The following AMPH variants were observed in gnomAD, a reference collection of about 807,000 sequenced individuals.
AMPH encodes amphiphysin.
In AMPH, 49 loss-of-function variants were observed where a neutral mutation model predicts 99.1. The ratio of observed to expected loss-of-function variants is 0.49; its 90% CI spans 0.39 to 0.63. The LOEUF is 0.63. AMPH is among the 20% of genes least tolerant of loss of function. The pLI is 0.00. For synonymous variants in AMPH, 314 were observed against 317.3 expected (o/e 0.99, Z 0.11); for missense variants, 759 against 863.4 (o/e 0.88, Z 1.52).
intron 11 of AMPH, among the ~76,000 whole-genome samples, chr7:38,456,964 T>C (rs931733949): frequency 6.6e-6 from 1 of 152,128 alleles, no homozygotes; most frequent in Non-Finnish European, 1.5e-5. Context: ...CCTAAGTCAT[T>C]GAGGAAATCA....
chr7:38,558,664 G>C (rs1791451916), intron 1 of AMPH, among the ~76,000 whole-genome samples: 1 of 152,178 alleles, frequency 6.6e-6, no homozygotes, highest in African/African-American at 2.4e-5. Flanking sequence ...TGTTGGTTAA[G>C]AGATATAAAA....
chr7:38,453,121 AT>A (rs1263825257), intron 11 of AMPH, among the ~76,000 whole-genome samples: 5 of 152,190 alleles, frequency 3.3e-5, no homozygotes, highest in African/African-American at 1.2e-4. Flanking sequence ...CGCTTTTCAG[AT>A]TTAGAAAAAT....
At chr7:38,499,032 C>G (rs1268650007) in intron 3 of AMPH, among the ~76,000 whole-genome samples, 1 of 152,150 alleles carries the variant, frequency 6.6e-6, no homozygotes, top group African/African-American at 2.4e-5. Context: ...ACCTATGACC[C>G]CACTTCTTGG....
chr7:38,603,481 T>A (rs553199524), intron 1 of AMPH, among the ~76,000 whole-genome samples: 49 of 152,268 alleles, frequency 3.2e-4, no homozygotes, highest in African/African-American at 1.1e-3. Flanking sequence ...TCTCTCAACC[T>A]CCTTTGGACT....
intron 1 of AMPH, among the ~76,000 whole-genome samples, chr7:38,608,000 T>G (rs551230483): frequency 6.6e-6 from 1 of 152,336 alleles, no homozygotes; most frequent in African/African-American, 2.4e-5. Flanking sequence ...TTTTTAAATT[T>G]TTTTCCATTT....
chr7:38,427,816 T>C (rs1222405351), intron 14 of AMPH: 3 of 444,232 alleles, frequency 6.8e-6, no homozygotes, highest in African/African-American at 4.0e-5. Flanking sequence ...GGCTAGTCTA[T>C]GCTACAGACC....
At chr7:38,477,418 G>A (rs1179302550) in intron 5 of AMPH, among the ~76,000 whole-genome samples, 1 of 152,102 alleles carries the variant, frequency 6.6e-6, no homozygotes, top group African/African-American at 2.4e-5. Context: ...TACTTCCCAA[G>A]AAATCTCTTT....
At chr7:38,407,389 C>A (rs1785075728) in intron 17 of AMPH, among the ~76,000 whole-genome samples, 1 of 150,950 alleles carries the variant, frequency 6.6e-6, no homozygotes, top group African/African-American at 2.4e-5. Flanking sequence ...CATGTTCTCA[C>A]TTTTGAGTAG....
intron 1 of AMPH, among the ~76,000 whole-genome samples, chr7:38,623,807 A>T (rs560419909): frequency 6.6e-6 from 1 of 152,332 alleles, no homozygotes; most frequent in Admixed American, 6.5e-5. Flanking sequence ...CAAAGCGACA[A>T]TCGAAAAAGA....
chr7:38,510,541 G>C (rs564808914), intron 2 of AMPH, among the ~76,000 whole-genome samples: 1 of 152,160 alleles, frequency 6.6e-6, no homozygotes, highest in Non-Finnish European at 1.5e-5. Context: ...AATTCTGGTA[G>C]CTCATACTCC....
intron 5 of AMPH, among the ~76,000 whole-genome samples, chr7:38,489,146 T>C (rs753376180): frequency 6.6e-6 from 1 of 152,172 alleles, no homozygotes; most frequent in Non-Finnish European, 1.5e-5. Flanking sequence ...AAGACAGTTA[T>C]ACAGACCTCT....
chr7:38,535,421 A>C (rs1430282878), intron 1 of AMPH, among the ~76,000 whole-genome samples: 1 of 152,168 alleles, frequency 6.6e-6, no homozygotes, highest in Non-Finnish European at 1.5e-5. Flanking sequence ...TGTCTGACTA[A>C]AGCATTCATC....
At position 38,537,453 on chromosome 7, in the gene AMPH, T is replaced by C. The variant is rs1227112707; in HGVS notation, c.70-2442A>G. Among the ~76,000 whole-genome samples the C allele has an allele frequency of 2.6e-5, 4 of 152,152 alleles. No homozygotes were observed. In the East Asian group the frequency reaches 7.7e-4, roughly 29 times the overall value. ...ACTTCACCAATGTATAAGCTTATAC[T>C]GAGAAAAAGCCAGGGAGAATGTTGA... On this transcript the variant is annotated intron_variant, in intron 1 of 20. Transcript: ENST00000356264.
chr7:38,517,580 T>C (rs190481060), intron 2 of AMPH, among the ~76,000 whole-genome samples: 1 of 152,172 alleles, frequency 6.6e-6, no homozygotes, highest in Non-Finnish European at 1.5e-5. Context: ...TTTATAGCAG[T>C]GTGAGAGTGG....
intron 7 of AMPH, among the ~76,000 whole-genome samples, chr7:38,473,749 T>TAAAAAAAAA (rs1554343431): frequency 1.4e-5 from 1 of 73,416 alleles, no homozygotes; most frequent in Non-Finnish European, 3.4e-5. Context: ...AAAAAAAAAG[T>TAAAAAAAAA]ATTCCATGAA....
intron 2 of AMPH, among the ~76,000 whole-genome samples, chr7:38,512,203 T>A (rs1160616864): frequency 6.6e-6 from 1 of 152,216 alleles, no homozygotes; most frequent in Non-Finnish European, 1.5e-5. Flanking sequence ...ATGTCCTTCC[T>A]TTAGATTGCT....
At chr7:38,448,607 A>G (rs1276797604) in intron 11 of AMPH, among the ~76,000 whole-genome samples, 1 of 152,184 alleles carries the variant, frequency 6.6e-6, no homozygotes, top group African/African-American at 2.4e-5. Context: ...GCTCTCTCCA[A>G]ATATCTTACT....
At chr7:38,541,078 T>C (rs995215710) in intron 1 of AMPH, among the ~76,000 whole-genome samples, 4 of 149,840 alleles carry the variant, frequency 2.7e-5, no homozygotes, top group Admixed American at 1.3e-4. Context: ...ATTCTCCATG[T>C]AGTTAATCAG....
At position 38,465,509 on chromosome 7, in the gene AMPH, T is replaced by C; in HGVS notation, c.707A>G (p.Asp236Gly). 6.3e-7 allele frequency: 1 copy of C among 1,585,880 alleles called. No homozygotes were observed. Among genetic ancestry groups the C allele is most frequent in the Non-Finnish European group, 8.6e-7 (1 of 1,164,332 alleles). The stretch of plus-strand genomic sequence containing the variant: ...GGTGAAGGCCTTGTCGGCGTGCTGG[T>C]CACCCAGTTTTGTCATCACTTCATA... ...KLYEVMTKLG[D>G]QHADKAFTIQ... The change falls in exon 9 of 21, where the codon GAC becomes GGC. Residue 236 changes from aspartate to glycine, a missense_variant. This residue lies in a region of AMPH where 554 missense variants were observed against 575.6 expected (regional missense o/e 0.96). Coordinates refer to ENST00000356264, the MANE Select transcript of AMPH (RefSeq NM_001635.4).
Sources: gnomAD v4.1 joint callset for allele counts (sites outside exome capture counted in the v4.1 genomes callset) on GRCh38, gnomAD v4.1.1 for gene constraint, gnomAD v4.1.1 regional missense constraint, MANE v1.5 for transcripts, NCBI Gene and HGNC (gene_info 2026-07-23, HGNC 2026-07-21) for gene names.